Variants in CEP170 observed in about 807,000 individuals in gnomAD.
The protein encoded by CEP170 is centrosomal protein 170.
CEP170 carries 21 observed loss-of-function variants against 151.9 expected under a neutral mutation model. The observed-to-expected ratio is 0.14, with a 90% confidence interval of 0.10 to 0.20. The LOEUF is 0.20. Ranked by LOEUF, CEP170 falls within the 10% of genes least tolerant of loss-of-function variation. CEP170 has a pLI of 1.00. For synonymous variants in CEP170, 356 were observed against 648.8 expected (o/e 0.55, Z 6.86); for missense variants, 964 against 1,892.9 (o/e 0.51, Z 9.11).
At chr1:243,216,649 A>C (rs949154563) in intron 3 of CEP170, among the ~76,000 whole-genome samples, 1 of 152,190 alleles carries the variant, frequency 6.6e-6, no homozygotes, top group Non-Finnish European at 1.5e-5. Flanking sequence ...AAGTCTACAA[A>C]AGAAATCAGA....
chr1:243,221,613 AACAT>A, intron 3 of CEP170, 107 bp downstream of exon 3: 1 of 1,089,116 alleles, frequency 9.2e-7, no homozygotes, highest in Non-Finnish European at 1.3e-6. Flanking sequence ...ATTTGAAAAT[AACAT>A]ACAAAGTAAA....
intron 14 of CEP170, among the ~76,000 whole-genome samples, chr1:243,155,784 G>A: frequency 6.6e-6 from 1 of 152,076 alleles, no homozygotes; most frequent in East Asian, 1.9e-4. Flanking sequence ...AAGTATGAGT[G>A]AAAATCTGCT....
rs539596979 is a variant in CEP170, at chr1:243,178,362, A to G, written c.1567-5516T>C. On this transcript the variant is annotated intron_variant, in intron 10 of 19. Transcript: ENST00000366542. ...GAGTGAAGTACTGATACAGGTTACAACACATGTGAACCTTGAAAACATTAT... is the reference window on the plus strand; with the variant it reads ...GAGTGAAGTACTGATACAGGTTACAGCACATGTGAACCTTGAAAACATTAT... 2.0e-3 allele frequency among the ~76,000 whole-genome samples: 298 copies of G among 151,136 alleles called. 2 individuals are homozygous for G. Among genetic ancestry groups the G allele is most frequent in the Non-Finnish European group, 3.5e-3 (235 of 67,916 alleles).
intron 4 of CEP170, among the ~76,000 whole-genome samples, chr1:243,205,373 A>G (rs1370052686): frequency 6.6e-6 from 1 of 152,224 alleles, no homozygotes; most frequent in Non-Finnish European, 1.5e-5. Context: ...GTAAAGGGCC[A>G]GATAGTAAAT....
At chr1:243,224,520 C>G (rs952009718) in intron 2 of CEP170, among the ~76,000 whole-genome samples, 3 of 152,052 alleles carry the variant, frequency 2.0e-5, no homozygotes, top group Non-Finnish European at 4.4e-5. Flanking sequence ...TTGTGCTGGG[C>G]CGCATTCAAA....
chr1:243,221,483 T>G, intron 3 of CEP170: 2 of 465,292 alleles, frequency 4.3e-6, no homozygotes, highest in Non-Finnish European at 7.6e-6. Flanking sequence ...AGAAGTCTTC[T>G]TTAGCCATCA....
intron 16 of CEP170, among the ~76,000 whole-genome samples, chr1:243,138,382 G>A (rs1359969060): frequency 6.7e-6 from 1 of 149,920 alleles, no homozygotes; most frequent in African/African-American, 2.5e-5. Context: ...TGTAACTTTC[G>A]GGCTAGTTGC....
chr1:243,244,357 TCACACACA>T (rs36023097), intron 1 of CEP170, among the ~76,000 whole-genome samples: 1 of 150,144 alleles, frequency 6.7e-6, no homozygotes, highest in Non-Finnish European at 1.5e-5. Flanking sequence ...GCTCCTTGTA[TCACACACA>T]CACACACACA....
intron 2 of CEP170, among the ~76,000 whole-genome samples, chr1:243,224,067 A>G (rs1228132864): frequency 1.3e-5 from 2 of 152,220 alleles, no homozygotes; most frequent in African/African-American, 4.8e-5. Context: ...ATTTCTATAT[A>G]ATCAAATTCA....
chr1:243,172,767 G>T lies in CEP170; in HGVS notation c.1646C>A (p.Ala549Asp), dbSNP rs376991684. The change falls in exon 11 of 20, where the codon GCT becomes GAT. Residue 549 changes from alanine to aspartate, a missense_variant. By Grantham distance (126) the Ala-to-Asp change is moderately radical. Coordinates refer to ENST00000366542, the MANE Select transcript of CEP170 (RefSeq NM_014812.3). ...EKHKDLIKDW[A>D]LSSAAAVMEE... ...CATTACTGCTGCAGCAGAACTGAGAGCCCAATCTTTTATTAGATCTTTATG... is the reference window on the plus strand; with the variant it reads ...CATTACTGCTGCAGCAGAACTGAGATCCCAATCTTTTATTAGATCTTTATG... 6.3e-7 allele frequency: 1 copy of T among 1,576,202 alleles called. No individual in the cohort carries two copies. Among genetic ancestry groups the T allele is most frequent in the Non-Finnish European group, 8.6e-7 (1 of 1,159,780 alleles).
chr1:243,178,185 C>A (rs1572063070), intron 10 of CEP170, among the ~76,000 whole-genome samples: 1 of 151,442 alleles, frequency 6.6e-6, no homozygotes, highest in Non-Finnish European at 1.5e-5. Context: ...AAAAATTAAC[C>A]GGGCGTGGTG....
chr1:243,223,482 G>C (rs2062983017), intron 2 of CEP170, among the ~76,000 whole-genome samples: 1 of 152,156 alleles, frequency 6.6e-6, no homozygotes, highest in South Asian at 2.1e-4. Context: ...AAGTAATTTA[G>C]GACAGGCTGC....
chr1:243,219,450 C>T (rs908852403), intron 3 of CEP170, among the ~76,000 whole-genome samples: 3 of 152,148 alleles, frequency 2.0e-5, no homozygotes, highest in African/African-American at 7.2e-5. Flanking sequence ...ATGCAGATGT[C>T]GCTCTCCATG....
intron 10 of CEP170, among the ~76,000 whole-genome samples, chr1:243,178,547 G>C (rs1414450974): frequency 2.0e-5 from 3 of 152,256 alleles, no homozygotes; most frequent in South Asian, 2.1e-4. Context: ...ATGATCATGA[G>C]ATTTGGTTTT....
At chr1:243,248,841 T>C (rs1183971463) in intron 1 of CEP170, among the ~76,000 whole-genome samples, 1 of 152,150 alleles carries the variant, frequency 6.6e-6, no homozygotes, top group Non-Finnish European at 1.5e-5. Context: ...TGCAACCTCA[T>C]TTCCTCCTAT....
At chr1:243,222,135 A>G (rs1463979964) in intron 2 of CEP170, among the ~76,000 whole-genome samples, 3 of 152,218 alleles carry the variant, frequency 2.0e-5, no homozygotes, top group Non-Finnish European at 4.4e-5. Flanking sequence ...AATCATGTGA[A>G]TTATAATTTT....
chr1:243,169,529 A>G, intron 12 of CEP170, 99 bp downstream of exon 12: 2 of 1,485,900 alleles, frequency 1.3e-6, no homozygotes, highest in Non-Finnish European at 1.8e-6. Flanking sequence ...AACAACTGAT[A>G]TATGATTCAC....
At chr1:243,207,167 G>A (rs147157184) in intron 4 of CEP170, among the ~76,000 whole-genome samples, 8 of 152,208 alleles carry the variant, frequency 5.3e-5, no homozygotes, top group African/African-American at 1.9e-4. Flanking sequence ...ACAACTATAT[G>A]CTGCCTACTT....
At chr1:243,133,384 A>G (rs1176357602) in intron 17 of CEP170, among the ~76,000 whole-genome samples, 1 of 152,276 alleles carries the variant, frequency 6.6e-6, no homozygotes, top group Non-Finnish European at 1.5e-5. Flanking sequence ...TTCCCATATA[A>G]GATGATCTTA....
Sources: allele counts gnomAD v4.1 joint callset (sites outside exome capture counted in the v4.1 genomes callset), GRCh38; gene constraint gnomAD v4.1.1; transcripts MANE v1.5; gene names NCBI Gene and HGNC (gene_info 2026-07-23, HGNC 2026-07-21).